MCTP1: variants seen among roughly 807,000 people sequenced by gnomAD.
MCTP1 encodes the protein multiple C2 and transmembrane domain-containing protein 1.
MCTP1 carries 69 observed loss-of-function variants against 120.6 expected under a neutral mutation model. The ratio of observed to expected loss-of-function variants is 0.57; its 90% CI spans 0.47 to 0.70. The LOEUF (loss-of-function observed/expected upper bound fraction) is 0.70. Among genes scored for constraint, MCTP1 ranks in the 30% least tolerant of loss-of-function variants. The probability of loss-of-function intolerance (pLI) is 0.00; values close to 1 mark genes in which losing one functional copy is unlikely to be tolerated. For missense variants in MCTP1, 1,203 were observed against 1,248.8 expected (o/e 0.96, Z 0.55); for synonymous variants, 529 against 493.1 (o/e 1.07, Z -0.96).
intron 5 of MCTP1, 115 bp from the exon 6 acceptor site, chr5:94,932,106 A>G: frequency 1.5e-6 from 1 of 665,424 alleles, no homozygotes; most frequent in South Asian, 1.9e-5. Flanking sequence ...CAGTTCCTGC[A>G]GCAATTATAC....
At chr5:95,136,433 T>C (rs1427433711) in intron 1 of MCTP1, among the ~76,000 whole-genome samples, 9 of 152,106 alleles carry the variant, frequency 5.9e-5, no homozygotes, top group Non-Finnish European at 7.4e-5. Flanking sequence ...TGCTCAATTA[T>C]GTAAAAGATG....
intron 2 of MCTP1, among the ~76,000 whole-genome samples, chr5:94,968,917 C>T (rs904255817): frequency 4.6e-5 from 7 of 152,152 alleles, no homozygotes; most frequent in African/African-American, 1.7e-4. Flanking sequence ...AGTATTCGCC[C>T]TACAGTAAAA....
At chr5:94,881,370 T>C (rs562517550) in intron 12 of MCTP1, among the ~76,000 whole-genome samples, 57 of 152,274 alleles carry the variant, frequency 3.7e-4, no homozygotes, top group Non-Finnish European at 3.2e-4. Flanking sequence ...AATATTTTAT[T>C]ATAAATCCCC....
chr5:94,735,445 AT>A (rs201449903), intron 19 of MCTP1, among the ~76,000 whole-genome samples: 30 of 150,390 alleles, frequency 2.0e-4, no homozygotes, highest in Admixed American at 1.1e-3. Flanking sequence ...TGCCTGGTTA[AT>A]TTTTTTTTTA....
intron 17 of MCTP1, among the ~76,000 whole-genome samples, chr5:94,811,493 G>A (rs1783401794): frequency 6.6e-6 from 1 of 152,208 alleles, no homozygotes; most frequent in Non-Finnish European, 1.5e-5. Context: ...CCACTGAGAT[G>A]AGCAGGTATT....
chr5:95,213,639 C>G (rs1281714375), intron 1 of MCTP1, among the ~76,000 whole-genome samples: 4 of 151,672 alleles, frequency 2.6e-5, no homozygotes, highest in Non-Finnish European at 5.9e-5. Flanking sequence ...GTAACCAAAA[C>G]AGCATGGTAC....
At chr5:94,737,565 T>C (rs1412461137) in intron 19 of MCTP1, among the ~76,000 whole-genome samples, 3 of 152,170 alleles carry the variant, frequency 2.0e-5, no homozygotes, top group Non-Finnish European at 2.9e-5. Context: ...TTTATACAGG[T>C]TCTTAAATAT....
chr5:95,173,225 T>A (rs1747561004), intron 1 of MCTP1, among the ~76,000 whole-genome samples: 1 of 152,200 alleles, frequency 6.6e-6, no homozygotes. Flanking sequence ...AATTTCAATC[T>A]ATTAGAACTC....
chr5:95,274,027 C>T (rs745636714), intron 1 of MCTP1, among the ~76,000 whole-genome samples: 4 of 152,162 alleles, frequency 2.6e-5, no homozygotes, highest in South Asian at 2.1e-4. Context: ...ACATCAGCTT[C>T]GCCCTCCTAA....
At chr5:95,127,649 A>C (rs190833002) in intron 1 of MCTP1, among the ~76,000 whole-genome samples, 1 of 152,294 alleles carries the variant, frequency 6.6e-6, no homozygotes, top group East Asian at 1.9e-4. Context: ...GTCAGTGTCC[A>C]GGAAAAAGAA....
At chr5:94,922,034 G>A (rs1314033230) in intron 7 of MCTP1, among the ~76,000 whole-genome samples, 1 of 152,156 alleles carries the variant, frequency 6.6e-6, no homozygotes, top group Admixed American at 6.5e-5. Flanking sequence ...TGACATCAGT[G>A]TGATGGGCCT....
chr5:94,988,753 T>C (rs1432591110), intron 2 of MCTP1, among the ~76,000 whole-genome samples: 1 of 152,098 alleles, frequency 6.6e-6, no homozygotes, highest in Non-Finnish European at 1.5e-5. Context: ...CTGGGGAATT[T>C]ATAAAGAAAT....
At chr5:95,060,940 C>CAAAAAAA (rs34418928) in intron 1 of MCTP1, among the ~76,000 whole-genome samples, 1 of 117,018 alleles carries the variant, frequency 8.5e-6, no homozygotes, top group African/African-American at 3.2e-5. Context: ...TGCCACTCCA[C>CAAAAAAA]AAAAAAAAAA....
chr5:94,974,604 G>A (rs1260570866), intron 2 of MCTP1, among the ~76,000 whole-genome samples: 1 of 151,900 alleles, frequency 6.6e-6, no homozygotes, highest in Non-Finnish European at 1.5e-5. Flanking sequence ...TATTTTCAGA[G>A]GATTCATTGG....
At chr5:94,835,510 G>A (rs890669010) in intron 17 of MCTP1, among the ~76,000 whole-genome samples, 2 of 152,148 alleles carry the variant, frequency 1.3e-5, no homozygotes, top group Non-Finnish European at 2.9e-5. Context: ...GGGCTTTGTT[G>A]TCCTCATCTA....
chr5:94,866,216 C>A (rs2153274733), intron 17 of MCTP1, among the ~76,000 whole-genome samples: 1 of 151,970 alleles, frequency 6.6e-6, no homozygotes, highest in East Asian at 1.9e-4. Flanking sequence ...GATTGGTCAA[C>A]TGATTCTGTC....
intron 17 of MCTP1, among the ~76,000 whole-genome samples, chr5:94,837,565 T>C (rs1177127681): frequency 6.6e-5 from 10 of 152,192 alleles, no homozygotes; most frequent in Admixed American, 6.5e-4. Flanking sequence ...TAGAGTTAAA[T>C]GAGTTACTAT....
In MCTP1 at chr5:95,148,993, G is replaced by A. The variant is rs1754492222; in HGVS notation, c.721-131509C>T. Among the ~76,000 whole-genome samples the A allele has an allele frequency of 2.0e-5, 3 of 152,214 alleles. No individual in the cohort carries two copies. The South Asian group carries it at 6.2e-4, about 32-fold the overall frequency. ...CTGTAATTTGGACTGTGATCCAGTA[G>A]ATGACACTTAACAGTAATGGCCAGC... On this transcript the variant is annotated intron_variant, in intron 1 of 22. Transcript: ENST00000515393.
intron 1 of MCTP1, among the ~76,000 whole-genome samples, chr5:95,136,341 C>T (rs1054449978): frequency 7.2e-5 from 11 of 152,194 alleles, no homozygotes; most frequent in African/African-American, 2.4e-4. Context: ...GGGCTGGTCT[C>T]TTAAGCAAAT....
Sources: allele counts gnomAD v4.1 joint callset (sites outside exome capture counted in the v4.1 genomes callset), GRCh38; gene constraint gnomAD v4.1.1; transcripts MANE v1.5; gene names NCBI Gene and HGNC (gene_info 2026-07-23, HGNC 2026-07-21).